The following TP53BP1 variants were observed in gnomAD, a reference collection of about 807,000 sequenced individuals.
TP53BP1 encodes tumor protein p53 binding protein 1.
A neutral mutation model predicts 200.8 loss-of-function variants in TP53BP1; 61 were observed. That is an observed-to-expected ratio of 0.30 (90% confidence interval 0.25 to 0.38). The LOEUF is 0.38. Ranked by LOEUF, TP53BP1 falls within the 10% of genes least tolerant of loss-of-function variation. The pLI is 1.00. For synonymous variants in TP53BP1, 822 were observed against 844.3 expected, an observed-to-expected ratio of 0.97 and a Z score of 0.46; for missense variants, 2,144 against 2,371.9, an observed-to-expected ratio of 0.90 and a Z score of 2.00.
intron 4 of TP53BP1, among the ~76,000 whole-genome samples, chr15:43,489,883 G>C (rs1470151915): frequency 6.6e-6 from 1 of 152,044 alleles, no homozygotes; most frequent in East Asian, 1.9e-4. Flanking sequence ...ATTACGTACA[G>C]ACACAGAGTG....
chr15:43,457,914 G>C (rs1208534719), intron 11 of TP53BP1, among the ~76,000 whole-genome samples: 1 of 151,562 alleles, frequency 6.6e-6, no homozygotes, highest in East Asian at 2.0e-4. Flanking sequence ...AGCTACTCAA[G>C]AAACTGAGGC....
intron 14 of TP53BP1, among the ~76,000 whole-genome samples, chr15:43,443,396 C>CAAA (rs1566936827): frequency 6.6e-6 from 1 of 152,036 alleles, no homozygotes; most frequent in African/African-American, 2.4e-5. Context: ...ACAGACACTT[C>CAAA]AAAAACAAAG....
At chr15:43,432,034 C>T (rs2142998044) in intron 17 of TP53BP1, among the ~76,000 whole-genome samples, 160 bp downstream of exon 17, 1 of 152,338 alleles carries the variant, frequency 6.6e-6, no homozygotes, top group Middle Eastern at 3.4e-3. Flanking sequence ...AATTTCACTA[C>T]CATATCTGTA....
intron 10 of TP53BP1, among the ~76,000 whole-genome samples, chr15:43,473,347 G>A (rs1330707409): frequency 6.6e-6 from 1 of 152,198 alleles, no homozygotes; most frequent in African/African-American, 2.4e-5. Context: ...AGTGGTCTGT[G>A]CTGACAGGGG....
At chr15:43,504,094 G>A (rs1352372612) in intron 1 of TP53BP1, among the ~76,000 whole-genome samples, 2 of 147,380 alleles carry the variant, frequency 1.4e-5, no homozygotes, top group Admixed American at 6.7e-5. Flanking sequence ...AGACCAGCCT[G>A]TGCAAAATAG....
chr15:43,509,066 A>C (rs2079254441), intron 1 of TP53BP1, among the ~76,000 whole-genome samples: 2 of 151,812 alleles, frequency 1.3e-5, no homozygotes, highest in South Asian at 4.2e-4. Flanking sequence ...GTTGCTATGG[A>C]AACTGTCCCT....
chr15:43,508,207 A>G (rs1458009235), intron 1 of TP53BP1, among the ~76,000 whole-genome samples: 1 of 152,174 alleles, frequency 6.6e-6, no homozygotes, highest in African/African-American at 2.4e-5. Context: ...TAAAACTACA[A>G]AAATTAGCTG....
At chr15:43,420,026 G>A (rs866315938) in intron 21 of TP53BP1, among the ~76,000 whole-genome samples, 1 of 152,202 alleles carries the variant, frequency 6.6e-6, no homozygotes, top group Non-Finnish European at 1.5e-5. Context: ...AATAGGGAAA[G>A]CTGGATGAGG....
intron 3 of TP53BP1, 121 bp from the exon 4 acceptor site, chr15:43,491,874 T>C: frequency 9.4e-7 from 1 of 1,067,196 alleles, no homozygotes; most frequent in Non-Finnish European, 1.5e-6. Flanking sequence ...TTTGAGTGAC[T>C]ACTACGCAGA....
intron 16 of TP53BP1, among the ~76,000 whole-genome samples, chr15:43,436,480 A>T (rs1003297150): frequency 3.3e-5 from 5 of 150,476 alleles, no homozygotes; most frequent in Admixed American, 3.3e-4. Context: ...TTATTTATTT[A>T]TTATTATTTT....
intron 12 of TP53BP1, among the ~76,000 whole-genome samples, chr15:43,454,421 T>C (rs924449512): frequency 3.3e-5 from 5 of 151,916 alleles, no homozygotes; most frequent in Admixed American, 6.6e-5. Flanking sequence ...TGTAGTGCAA[T>C]GGCGCAATCT....
At chr15:43,438,437 A>T in intron 15 of TP53BP1, 21 bp from the exon 16 acceptor site, 1 of 1,574,674 alleles carries the variant, frequency 6.4e-7, no homozygotes. Context: ...ATATTAAAGC[A>T]ATATATTGTT....
At chr15:43,459,389 A>G (rs2046377093) in intron 11 of TP53BP1, among the ~76,000 whole-genome samples, 1 of 152,208 alleles carries the variant, frequency 6.6e-6, no homozygotes. Flanking sequence ...AATTCATGGG[A>G]AATTATTCAT....
At chr15:43,417,388 T>C (rs2045290825) in intron 21 of TP53BP1, among the ~76,000 whole-genome samples, 1 of 152,214 alleles carries the variant, frequency 6.6e-6, no homozygotes, top group South Asian at 2.1e-4. Flanking sequence ...ATCTATCCTG[T>C]GGAATCACTC....
At chr15:43,446,715 T>C in intron 13 of TP53BP1, 125 bp from the exon 14 acceptor site, 1 of 1,533,498 alleles carries the variant, frequency 6.5e-7, no homozygotes. Flanking sequence ...AGGAGGTTCC[T>C]AGGATAGATC....
chr15:43,406,341 TACAC>T lies in TP53BP1; in HGVS notation c.*1038_*1041del. ...ATCTGGTTTTCATCACTACATATTCTACACACACTGGGAAGCTCTGACAACTTAT... is the reference window on the plus strand; with the variant it reads ...ATCTGGTTTTCATCACTACATATTCTACACTGGGAAGCTCTGACAACTTAT... On this transcript the variant is annotated 3_prime_UTR_variant, in exon 28 of 28. Coordinates refer to ENST00000382044, the MANE Select transcript of TP53BP1 (RefSeq NM_001141980.3). The T allele has an allele frequency of 3.3e-6, 1 of 306,372 alleles. No individual in the cohort carries two copies. Among genetic ancestry groups the T allele is most frequent in the Non-Finnish European group, 6.5e-6 (1 of 154,516 alleles). The allele number at this position is 306,372 out of a possible 1,614,324, so 19.0% of individuals were successfully genotyped here.
chr15:43,450,440 A>G (rs901018163), intron 12 of TP53BP1, among the ~76,000 whole-genome samples: 7 of 152,224 alleles, frequency 4.6e-5, no homozygotes, highest in African/African-American at 1.7e-4. Context: ...TTAATAGCCA[A>G]TTAAGATGGC....
chr15:43,463,478 A>G (rs1252047696), intron 11 of TP53BP1, among the ~76,000 whole-genome samples: 1 of 152,220 alleles, frequency 6.6e-6, no homozygotes, highest in Non-Finnish European at 1.5e-5. Context: ...AATAACAAGA[A>G]TAAGTTTGAC....
At chr15:43,409,213 G>T in intron 25 of TP53BP1, 117 bp from the exon 26 acceptor site, 1 of 909,808 alleles carries the variant, frequency 1.1e-6, no homozygotes, top group Non-Finnish European at 1.7e-6. Context: ...TACCCAAAAT[G>T]TGATTTAGTC....
Sources: gnomAD v4.1 joint callset for allele counts (sites outside exome capture counted in the v4.1 genomes callset) on GRCh38, gnomAD v4.1.1 for gene constraint, MANE v1.5 for transcripts, NCBI Gene and HGNC (gene_info 2026-07-23, HGNC 2026-07-21) for gene names.